The following VWA3B variants were observed in gnomAD, a reference collection of about 807,000 sequenced individuals.
VWA3B encodes the protein von Willebrand factor A domain-containing protein 3B.
A neutral mutation model predicts 158.3 loss-of-function variants in VWA3B; 138 were observed. The ratio of observed to expected loss-of-function variants is 0.87; its 90% confidence interval spans 0.76 to 1.00. The LOEUF (loss-of-function observed/expected upper bound fraction) is 1.00, where lower values mean the gene tolerates loss of function less well. VWA3B is among the 50% of genes least tolerant of loss of function. VWA3B has a pLI of 0.00. For synonymous variants in VWA3B, 596 were observed against 587.3 expected (o/e 1.01, Z -0.21); for missense variants, 1,555 against 1,565.1 (o/e 0.99, Z 0.11).
chr2:98,115,725 AG>A lies in VWA3B; in HGVS notation c.271del (p.Glu91LysfsTer8), dbSNP rs1405755426. Reference protein sequence around the residue: ...DGLFPQLYRAEDGRVYNLTAK... With the variant: ...DGLFPQLYRAXDGRVYNLTAK... Reference sequence around the variant, plus strand: ...GTCTGTTTCCACAGCTCTACAGAGCAGAAGATGGCAGAGTATACAATGTAAG... The same window carrying A: ...GTCTGTTTCCACAGCTCTACAGAGCAAAGATGGCAGAGTATACAATGTAAG... On this transcript the variant is annotated frameshift_variant, in exon 3 of 28. Coordinates refer to ENST00000477737, the MANE Select transcript of VWA3B (RefSeq NM_144992.5). LOFTEE classifies it high-confidence loss of function. 1 of 1,613,394 alleles carries A rather than the reference AG, an allele frequency of 6.2e-7. No individual in the cohort carries two copies. The highest frequency in any genetic ancestry group is 1.1e-5 in the South Asian group (1 of 91,076).
chr2:98,316,627 A>G (rs1488261940), downstream of VWA3B, among the ~76,000 whole-genome samples: 2 of 151,246 alleles, frequency 1.3e-5, no homozygotes, highest in African/African-American at 2.4e-5. Flanking sequence ...AGCGTGGGCA[A>G]CAAAGTGAAA....
intron 2 of VWA3B, among the ~76,000 whole-genome samples, chr2:98,109,641 A>G (rs1409006642): frequency 1.3e-5 from 2 of 151,762 alleles, no homozygotes; most frequent in Admixed American, 6.6e-5. Context: ...TTCTTTTGTT[A>G]TTTTCTTTCT....
intron 26 of VWA3B, 74 bp downstream of exon 26, chr2:98,303,876 A>G: frequency 7.1e-7 from 1 of 1,399,030 alleles, no homozygotes; most frequent in Non-Finnish European, 1.0e-6. Flanking sequence ...TTGAGATGAG[A>G]TCCATGACCT....
the VWA3B span, among the ~76,000 whole-genome samples, chr2:98,326,225 A>C: frequency 1.3e-4 from 20 of 152,338 alleles, no homozygotes; most frequent in African/African-American, 4.3e-4. Flanking sequence ...TCACTACTAG[A>C]GTGCATACAG....
downstream of VWA3B, among the ~76,000 whole-genome samples, chr2:98,315,939 C>T (rs1172816687): frequency 6.6e-6 from 1 of 152,144 alleles, no homozygotes; most frequent in African/African-American, 2.4e-5. Context: ...ACCTCATTTA[C>T]AATGACAACA....
intron 22 of VWA3B, among the ~76,000 whole-genome samples, chr2:98,279,385 G>A (rs565555700): frequency 6.6e-6 from 1 of 152,268 alleles, no homozygotes; most frequent in African/African-American, 2.4e-5. Context: ...CGGCTGGGCA[G>A]ATGCCAGCAC....
intron 19 of VWA3B, among the ~76,000 whole-genome samples, chr2:98,247,142 C>T (rs1686451240): frequency 1.3e-5 from 2 of 151,714 alleles, no homozygotes; most frequent in Admixed American, 1.3e-4. Context: ...GGATTACAGG[C>T]ACCCGCCACC....
chr2:98,090,653 G>T (rs933417017), intron 1 of VWA3B, among the ~76,000 whole-genome samples: 4 of 152,050 alleles, frequency 2.6e-5, no homozygotes, highest in African/African-American at 9.7e-5. Context: ...AAGAAAGCCA[G>T]ATCTTCACCA....
At chr2:98,319,255 T>C in the VWA3B span, among the ~76,000 whole-genome samples, 1 of 149,040 alleles carries the variant, frequency 6.7e-6, no homozygotes, top group East Asian at 1.9e-4. Context: ...GAAGAAAACA[T>C]GAGTGAATTC....
intron 12 of VWA3B, among the ~76,000 whole-genome samples, chr2:98,209,569 C>G (rs1400506393): frequency 6.6e-6 from 1 of 152,132 alleles, no homozygotes; most frequent in Non-Finnish European, 1.5e-5. Flanking sequence ...CGTGAGCCAC[C>G]GCGCCCAGGC....
chr2:98,112,034 G>A (rs1039147798), intron 2 of VWA3B, among the ~76,000 whole-genome samples: 3 of 151,980 alleles, frequency 2.0e-5, no homozygotes, highest in African/African-American at 7.2e-5. Context: ...TTTCTTCTAG[G>A]ATTCCCTAGG....
At chr2:98,166,711 T>C (rs1419155363) in intron 8 of VWA3B, among the ~76,000 whole-genome samples, 1 of 151,902 alleles carries the variant, frequency 6.6e-6, no homozygotes, top group Non-Finnish European at 1.5e-5. Context: ...TAACAGAAGG[T>C]CTTGGATGTT....
At chr2:98,094,630 G>A (rs1300435642) in intron 2 of VWA3B, among the ~76,000 whole-genome samples, 1 of 151,754 alleles carries the variant, frequency 6.6e-6, no homozygotes, top group African/African-American at 2.4e-5. Context: ...TTACTTTGAT[G>A]TAATCTCATT....
At chr2:98,267,785 A>C (rs1055853347) in intron 21 of VWA3B, among the ~76,000 whole-genome samples, 17 of 152,166 alleles carry the variant, frequency 1.1e-4, no homozygotes, top group Admixed American at 9.8e-4. Flanking sequence ...AAATTGATAG[A>C]CTACTAGCAA....
At chr2:98,263,155 T>G (rs1687588487) in intron 21 of VWA3B, among the ~76,000 whole-genome samples, 1 of 151,956 alleles carries the variant, frequency 6.6e-6, no homozygotes, top group African/African-American at 2.4e-5. Context: ...TTATTAGTTC[T>G]AACAGTATTT....
intron 2 of VWA3B, among the ~76,000 whole-genome samples, chr2:98,109,672 T>C (rs1673987200): frequency 6.6e-6 from 1 of 152,164 alleles, no homozygotes; most frequent in South Asian, 2.1e-4. Context: ...GTTCTTTTAT[T>C]CTTTAAGAGT....
At chr2:98,122,533 G>A (rs1490753260) in intron 5 of VWA3B, among the ~76,000 whole-genome samples, 1 of 152,194 alleles carries the variant, frequency 6.6e-6, no homozygotes, top group African/African-American at 2.4e-5. Context: ...ATACAAGCTA[G>A]TTTGTTCCTT....
intron 9 of VWA3B, among the ~76,000 whole-genome samples, chr2:98,186,494 A>T (rs761572501): frequency 4.6e-5 from 7 of 152,028 alleles, no homozygotes; most frequent in Non-Finnish European, 7.4e-5. Flanking sequence ...GTAAATCTCG[A>T]TCTTTCCCAT....
intron 12 of VWA3B, among the ~76,000 whole-genome samples, chr2:98,202,752 T>C (rs113988908): frequency 2.0e-5 from 3 of 152,326 alleles, no homozygotes; most frequent in African/African-American, 7.2e-5. Flanking sequence ...TTTTATAATT[T>C]TGTTTGACAT....
Sources: allele counts gnomAD v4.1 joint callset (sites outside exome capture counted in the v4.1 genomes callset), GRCh38; gene constraint gnomAD v4.1.1; transcripts MANE v1.5; gene names NCBI Gene and HGNC (gene_info 2026-07-23, HGNC 2026-07-21).